PAM: variants seen among roughly 807,000 people sequenced by gnomAD.
PAM encodes peptidylglycine alpha-amidating monooxygenase.
Under a neutral mutation model 122.1 loss-of-function variants are expected in PAM, and 72 were observed. The ratio of observed to expected loss-of-function variants is 0.59; its 90% CI spans 0.49 to 0.72. The LOEUF is 0.72. Among genes scored for constraint, PAM ranks in the 30% least tolerant of loss-of-function variants. PAM has a pLI of 0.00. For synonymous variants in PAM, 389 were observed against 404.4 expected (o/e 0.96, Z 0.46); for missense variants, 1,106 against 1,183.7 (o/e 0.93, Z 0.96).
Position 102,757,060 on chromosome 5 carries a change from G to T in PAM, c.-374+1712G>T, listed in dbSNP as rs188201812. On this transcript the variant is annotated intron_variant, in intron 1 of 25. Transcript: ENST00000438793. Reference sequence around the variant, plus strand: ...GATCATCATTTGGCCGGCTGCGGTGGCTCACGCCTGTAATCCCAGCACTTT... The same window carrying T: ...GATCATCATTTGGCCGGCTGCGGTGTCTCACGCCTGTAATCCCAGCACTTT... Among the ~76,000 whole-genome samples, 219 of 152,346 alleles carry T rather than the reference G, an allele frequency of 1.4e-3. 1 individual carries two copies. The highest frequency in any genetic ancestry group is 4.9e-3 in the African/African-American group (205 of 41,576).
chr5:102,949,483 A>G (rs1758067070), intron 9 of PAM, 54 bp from the exon 10 acceptor site: 2 of 886,320 alleles, frequency 2.3e-6, no homozygotes, highest in East Asian at 4.8e-5. Flanking sequence ...AGATAAGAAT[A>G]ATGTCATTTT....
chr5:102,912,067 G>A (rs944740725), intron 4 of PAM, among the ~76,000 whole-genome samples: 1 of 151,986 alleles, frequency 6.6e-6, no homozygotes. Flanking sequence ...AATTTTTAGC[G>A]GGTGCTTGAA....
At chr5:102,922,462 G>C (rs923895263) in intron 5 of PAM, among the ~76,000 whole-genome samples, 1 of 152,142 alleles carries the variant, frequency 6.6e-6, no homozygotes, top group Non-Finnish European at 1.5e-5. Context: ...ATTAAAAAAG[G>C]GGGTGTTGTC....
At chr5:102,916,556 A>G (rs1176262839) in intron 5 of PAM, among the ~76,000 whole-genome samples, 5 of 150,780 alleles carry the variant, frequency 3.3e-5, no homozygotes, top group African/African-American at 4.9e-5. Context: ...GATCTTTTCA[A>G]TATGTGAACT....
intron 5 of PAM, among the ~76,000 whole-genome samples, chr5:102,914,289 A>G (rs1047605688): frequency 3.9e-5 from 6 of 152,012 alleles, no homozygotes; most frequent in Admixed American, 2.0e-4. Flanking sequence ...CAGGACCCCA[A>G]AAGGGGCTGG....
chr5:102,995,509 T>A (rs547309434), intron 16 of PAM, among the ~76,000 whole-genome samples: 1 of 152,150 alleles, frequency 6.6e-6, no homozygotes, highest in Non-Finnish European at 1.5e-5. Flanking sequence ...GGTTACCATT[T>A]CCTGTTTTTG....
chr5:102,932,180 G>A (rs1751769425), intron 7 of PAM, among the ~76,000 whole-genome samples: 1 of 152,108 alleles, frequency 6.6e-6, no homozygotes, highest in African/African-American at 2.4e-5. Context: ...AAACATCTTG[G>A]ATAGAAATCA....
chr5:102,849,199 A>G (rs1472826541), intron 1 of PAM, among the ~76,000 whole-genome samples: 1 of 152,186 alleles, frequency 6.6e-6, no homozygotes, highest in Non-Finnish European at 1.5e-5. Flanking sequence ...TCATGGATAT[A>G]GCTAAAATAA....
intron 7 of PAM, among the ~76,000 whole-genome samples, chr5:102,944,794 T>TA (rs1380784045): frequency 2.0e-5 from 3 of 152,204 alleles, no homozygotes; most frequent in Non-Finnish European, 4.4e-5. Flanking sequence ...TTGCTTCACT[T>TA]ATGATTTTAT....
chr5:103,012,593 G>A (rs569657673), intron 21 of PAM, among the ~76,000 whole-genome samples: 27 of 152,150 alleles, frequency 1.8e-4, no homozygotes, highest in South Asian at 8.3e-4. Flanking sequence ...GGTGGCTCAC[G>A]CCTGTAATCC....
intron 7 of PAM, among the ~76,000 whole-genome samples, chr5:102,929,334 T>C (rs1750651885): frequency 6.6e-6 from 1 of 152,206 alleles, no homozygotes; most frequent in Admixed American, 6.5e-5. Context: ...AAGTGGAAAA[T>C]AATTGTATCA....
chr5:102,948,556 G>A, intron 9 of PAM, 111 bp downstream of exon 9: 1 of 605,218 alleles, frequency 1.7e-6, no homozygotes, highest in South Asian at 2.4e-5. Flanking sequence ...TTTATGTCTT[G>A]GAAAAATGAA....
At chr5:102,882,629 A>C (rs1372290466) in intron 3 of PAM, among the ~76,000 whole-genome samples, 4 of 151,990 alleles carry the variant, frequency 2.6e-5, no homozygotes, top group Admixed American at 6.6e-5. Flanking sequence ...GTCCTTTGTC[A>C]AATGTATAGA....
At chr5:102,761,053 A>G (rs948333735) in intron 1 of PAM, among the ~76,000 whole-genome samples, 5 of 152,206 alleles carry the variant, frequency 3.3e-5, no homozygotes, top group African/African-American at 1.2e-4. Flanking sequence ...GCATGTTAAC[A>G]GTGAGGGTCT....
At chr5:102,814,473 G>C (rs1245019382) in intron 1 of PAM, among the ~76,000 whole-genome samples, 1 of 150,768 alleles carries the variant, frequency 6.6e-6, no homozygotes, top group African/African-American at 2.4e-5. Flanking sequence ...TGTGACCTCA[G>C]ATCTCAAGTA....
At chr5:102,885,881 A>G (rs1177233299) in intron 3 of PAM, among the ~76,000 whole-genome samples, 1 of 151,924 alleles carries the variant, frequency 6.6e-6, no homozygotes, top group Non-Finnish European at 1.5e-5. Flanking sequence ...GGTGTTTCAT[A>G]CAGTTACCGC....
At chr5:102,757,435 T>C (rs184886307) in intron 1 of PAM, among the ~76,000 whole-genome samples, 29 of 152,370 alleles carry the variant, frequency 1.9e-4, no homozygotes, top group African/African-American at 6.7e-4. Flanking sequence ...TAAAATGCCA[T>C]GTGCTCCTAC....
At chr5:102,855,832 A>G (rs985562936) in intron 1 of PAM, among the ~76,000 whole-genome samples, 3 of 152,064 alleles carry the variant, frequency 2.0e-5, no homozygotes, top group Non-Finnish European at 2.9e-5. Context: ...TACACTAAAT[A>G]TTTGCACTTA....
intron 3 of PAM, among the ~76,000 whole-genome samples, chr5:102,881,508 AGAGTT>A (rs1206539274): frequency 5.9e-5 from 9 of 152,096 alleles, no homozygotes; most frequent in Non-Finnish European, 4.4e-5. Context: ...TTAGGAAAGT[AGAGTT>A]ATCTTCTAAA....
Sources: allele counts gnomAD v4.1 joint callset (sites outside exome capture counted in the v4.1 genomes callset), GRCh38; gene constraint gnomAD v4.1.1; transcripts MANE v1.5; gene names NCBI Gene and HGNC (gene_info 2026-07-23, HGNC 2026-07-21).